The following CERKL variants were observed in gnomAD, a reference collection of about 807,000 sequenced individuals.
CERKL encodes ceramide kinase-like protein.
Under a neutral mutation model 63.4 loss-of-function variants are expected in CERKL, and 61 were observed. The observed-to-expected ratio is 0.96, with a 90% CI of 0.78 to 1.19. The LOEUF (loss-of-function observed/expected upper bound fraction) is 1.19. Among genes scored for constraint, CERKL ranks in the 50% most tolerant of loss-of-function variants. The pLI is 0.00. For synonymous variants in CERKL, 250 were observed against 230.5 expected (o/e 1.08, Z -0.77); for missense variants, 675 against 655.5 (o/e 1.03, Z -0.33).
intron 8 of CERKL, 57 bp downstream of exon 8, chr2:181,548,488 G>T: frequency 8.1e-7 from 1 of 1,231,366 alleles, no homozygotes; most frequent in Non-Finnish European, 1.2e-6. Context: ...TTGTTTGTCA[G>T]AATGTTTTAT....
At chr2:181,599,579 A>G (rs1363396660) in intron 2 of CERKL, among the ~76,000 whole-genome samples, 2 of 140,236 alleles carry the variant, frequency 1.4e-5, no homozygotes, top group African/African-American at 5.1e-5. Flanking sequence ...GGAAGTTTTA[A>G]CAACAGACTA....
chr2:181,537,676 A>T lies in CERKL; in HGVS notation c.*508T>A. On this transcript the variant is annotated 3_prime_UTR_variant, in exon 13 of 13. Transcript: ENST00000410087. ...AATCCAAATTATTTCAGAATTATCT[A>T]GGTTAAATATTGATGTATTATGATG... The T allele has an allele frequency of 2.3e-6, 1 of 433,248 alleles. No homozygotes were observed. Among genetic ancestry groups the T allele is most frequent in the South Asian group, 1.7e-5 (1 of 59,788 alleles). The allele number at this position is 433,248 out of a possible 1,614,324, so 26.8% of individuals were successfully genotyped here.
chr2:181,631,377 G>A (rs551531871), intron 1 of CERKL, among the ~76,000 whole-genome samples: 1 of 152,286 alleles, frequency 6.6e-6, no homozygotes, highest in East Asian at 1.9e-4. Flanking sequence ...GGAAAGTTAA[G>A]AGTCAAGATT....
intron 2 of CERKL, among the ~76,000 whole-genome samples, chr2:181,592,199 T>C (rs967519979): frequency 1.3e-5 from 2 of 152,180 alleles, no homozygotes; most frequent in Non-Finnish European, 2.9e-5. Flanking sequence ...CATCTTTCTC[T>C]TTCTCTCTCT....
At chr2:181,590,232 G>C (rs949318225) in intron 2 of CERKL, among the ~76,000 whole-genome samples, 1 of 152,084 alleles carries the variant, frequency 6.6e-6, no homozygotes, top group African/African-American at 2.4e-5. Flanking sequence ...CCACCTGCTG[G>C]GTTCAAGTGA....
At chr2:181,571,804 T>C (rs1162404502) in intron 3 of CERKL, among the ~76,000 whole-genome samples, 1 of 152,156 alleles carries the variant, frequency 6.6e-6, no homozygotes, top group East Asian at 1.9e-4. Flanking sequence ...AGAGTCTTGA[T>C]GGTTAAATAA....
chr2:181,614,581 T>G (rs887783617), intron 1 of CERKL, among the ~76,000 whole-genome samples: 2 of 152,230 alleles, frequency 1.3e-5, no homozygotes, highest in African/African-American at 2.4e-5. Flanking sequence ...TATTACATCT[T>G]TTATGTCTGC....
chr2:181,600,651 G>C (rs1207537748), intron 2 of CERKL, among the ~76,000 whole-genome samples: 1 of 152,144 alleles, frequency 6.6e-6, no homozygotes, highest in African/African-American at 2.4e-5. Context: ...AATTCAACCA[G>C]AAGATTTAAC....
At chr2:181,645,571 AG>A (rs1191494373) in intron 1 of CERKL, among the ~76,000 whole-genome samples, 2 of 152,178 alleles carry the variant, frequency 1.3e-5, no homozygotes, top group Non-Finnish European at 2.9e-5. Context: ...TGGGTAATTT[AG>A]GATTAGTGAG....
intron 1 of CERKL, among the ~76,000 whole-genome samples, chr2:181,616,671 T>C (rs957890709): frequency 2.6e-5 from 4 of 152,152 alleles, no homozygotes; most frequent in South Asian, 2.1e-4. Flanking sequence ...AACAGTATAA[T>C]AGAAATGAGA....
chr2:181,636,743 T>C (rs1489526050), intron 1 of CERKL, among the ~76,000 whole-genome samples: 1 of 152,168 alleles, frequency 6.6e-6, no homozygotes, highest in Non-Finnish European at 1.5e-5. Context: ...AAATCATACT[T>C]CAAGGCCCAC....
chr2:181,573,461 T>C lies in CERKL; in HGVS notation c.613+292A>G, dbSNP rs188583258. ...AAAATTAACGTGTAAGTAGCAAACA[T>C]CTCCATGAAGATGTAAACAAGTATA... On this transcript the variant is annotated intron_variant, in intron 3 of 12. Coordinates refer to ENST00000410087, the MANE Select transcript of CERKL (RefSeq NM_201548.5). 1.6e-3 allele frequency among the ~76,000 whole-genome samples: 237 copies of C among 152,266 alleles called. 1 individual carries two copies. The highest frequency in any genetic ancestry group is 5.5e-3 in the African/African-American group (228 of 41,554).
intron 11 of CERKL, among the ~76,000 whole-genome samples, chr2:181,541,220 G>C (rs1172674066): frequency 6.6e-6 from 1 of 152,192 alleles, no homozygotes; most frequent in Non-Finnish European, 1.5e-5. Context: ...ATAGGAAAAG[G>C]CATCGGGGAT....
At chr2:181,624,027 T>A (rs1193837359) in intron 1 of CERKL, among the ~76,000 whole-genome samples, 1 of 152,114 alleles carries the variant, frequency 6.6e-6, no homozygotes, top group Non-Finnish European at 1.5e-5. Context: ...ACAGTAAGCA[T>A]CAAGGTCCTG....
At chr2:181,640,330 G>A (rs1056664914) in intron 1 of CERKL, among the ~76,000 whole-genome samples, 7 of 152,036 alleles carry the variant, frequency 4.6e-5, no homozygotes, top group Non-Finnish European at 1.0e-4. Flanking sequence ...CCACACCCAC[G>A]TACACATGTA....
intron 1 of CERKL, among the ~76,000 whole-genome samples, chr2:181,621,470 C>T (rs555252617): frequency 1.3e-5 from 2 of 152,032 alleles, no homozygotes; most frequent in Non-Finnish European, 2.9e-5. Context: ...ATTGAAAAAG[C>T]CTTAAATTGA....
intron 3 of CERKL, among the ~76,000 whole-genome samples, chr2:181,570,784 G>A (rs532379246): frequency 1.3e-5 from 2 of 152,220 alleles, no homozygotes; most frequent in African/African-American, 2.4e-5. Context: ...GTACCTTATA[G>A]TGTATATATC....
At chr2:181,548,893 A>G in intron 6 of CERKL, 36 bp from the exon 7 acceptor site, 2 of 1,579,016 alleles carry the variant, frequency 1.3e-6, no homozygotes, top group Non-Finnish European at 1.7e-6. Flanking sequence ...CAGTGAGTAC[A>G]GTAGGACTTG....
chr2:181,567,211 C>T (rs1017370238), intron 3 of CERKL, among the ~76,000 whole-genome samples: 3 of 151,992 alleles, frequency 2.0e-5, no homozygotes, highest in African/African-American at 7.2e-5. Context: ...ACATATGAAA[C>T]ATTAATATTA....
Sources: gnomAD v4.1 joint callset for allele counts (sites outside exome capture counted in the v4.1 genomes callset) on GRCh38, gnomAD v4.1.1 for gene constraint, MANE v1.5 for transcripts, NCBI Gene and HGNC (gene_info 2026-07-23, HGNC 2026-07-21) for gene names.